Variants in AGBL1 observed in about 807,000 individuals in gnomAD.
AGBL1 encodes the protein cytosolic carboxypeptidase 4.
Under a neutral mutation model 118.9 loss-of-function variants are expected in AGBL1, and 130 were observed. The ratio of observed to expected loss-of-function variants is 1.09; its 90% confidence interval spans 0.95 to 1.26. AGBL1 has a LOEUF of 1.26. Ranked by LOEUF, AGBL1 falls within the 50% of genes most tolerant of loss-of-function variation. The pLI is 0.00. For missense variants in AGBL1, 1,584 were observed against 1,298.1 expected, an observed-to-expected ratio of 1.22 and a Z score of -3.38; for synonymous variants, 555 against 478.9, an observed-to-expected ratio of 1.16 and a Z score of -2.08.
intron 17 of AGBL1, among the ~76,000 whole-genome samples, chr15:86,349,476 T>C (rs141382987): frequency 2.7e-4 from 41 of 152,350 alleles, no homozygotes; most frequent in Non-Finnish European, 4.6e-4. Context: ...ACCTGATTCC[T>C]ATACGTTATT....
chr15:86,719,551 A>T (rs2086686316), intron 22 of AGBL1, among the ~76,000 whole-genome samples: 1 of 152,070 alleles, frequency 6.6e-6, no homozygotes, highest in Non-Finnish European at 1.5e-5. Flanking sequence ...CTCCATCCTG[A>T]AGCTTTTCTC....
intron 23 of AGBL1, among the ~76,000 whole-genome samples, chr15:86,955,180 A>T (rs1236612011): frequency 1.3e-5 from 2 of 152,130 alleles, no homozygotes; most frequent in Non-Finnish European, 2.9e-5. Flanking sequence ...CTCCAGTACA[A>T]ATTTACTAAA....
chr15:86,596,753 T>C (rs1410707212), intron 21 of AGBL1, among the ~76,000 whole-genome samples: 2 of 152,210 alleles, frequency 1.3e-5, no homozygotes, highest in African/African-American at 4.8e-5. Context: ...TTGACTGTTC[T>C]GTCAAAAACT....
chr15:86,538,330 T>G (rs1184397255), intron 19 of AGBL1, among the ~76,000 whole-genome samples: 2 of 152,220 alleles, frequency 1.3e-5, no homozygotes, highest in Non-Finnish European at 2.9e-5. Flanking sequence ...AAATTCTGCA[T>G]GTGCCTAATG....
intron 24 of AGBL1, among the ~76,000 whole-genome samples, chr15:87,002,162 A>G (rs1031514433): frequency 2.0e-5 from 3 of 151,982 alleles, no homozygotes; most frequent in South Asian, 4.1e-4. Context: ...TGTATAAGGT[A>G]TAAGGAAGGG....
intron 15 of AGBL1, among the ~76,000 whole-genome samples, chr15:86,279,310 A>T (rs2079308836): frequency 1.3e-5 from 2 of 152,208 alleles, no homozygotes; most frequent in African/African-American, 4.8e-5. Flanking sequence ...CAAGAAAAAC[A>T]GAACTGTTCA....
intron 23 of AGBL1, among the ~76,000 whole-genome samples, chr15:86,974,608 A>G (rs1276653504): frequency 7.0e-6 from 1 of 142,480 alleles, no homozygotes; most frequent in Non-Finnish European, 1.5e-5. Flanking sequence ...ATTATATAAT[A>G]TAAATTATAT....
chr15:86,996,891 G>T (rs538575813), intron 24 of AGBL1, among the ~76,000 whole-genome samples: 1 of 152,052 alleles, frequency 6.6e-6, no homozygotes, highest in Non-Finnish European at 1.5e-5. Flanking sequence ...TGTGGATTTT[G>T]TTTTGCTCCC....
At chr15:86,433,093 AG>A (rs1037922373) in intron 18 of AGBL1, among the ~76,000 whole-genome samples, 1 of 152,148 alleles carries the variant, frequency 6.6e-6, no homozygotes, top group Non-Finnish European at 1.5e-5. Context: ...AGGCCGGAGC[AG>A]GGTGGATGCA....
chr15:86,300,759 T>A (rs1016819830), intron 17 of AGBL1, among the ~76,000 whole-genome samples: 7 of 152,228 alleles, frequency 4.6e-5, no homozygotes, highest in Non-Finnish European at 1.0e-4. Context: ...TTTGCAGTTG[T>A]TAAAGAATAA....
intron 23 of AGBL1, among the ~76,000 whole-genome samples, chr15:86,971,936 T>G (rs1322255372): frequency 6.6e-6 from 1 of 151,924 alleles, no homozygotes; most frequent in Non-Finnish European, 1.5e-5. Flanking sequence ...CCACTTTGCT[T>G]GGCACTTCCC....
At chr15:86,338,529 A>AG (rs11371489) in intron 17 of AGBL1, among the ~76,000 whole-genome samples, 117,623 of 151,932 alleles carry the variant, frequency 0.77, 46,316 homozygotes, top group African/African-American at 0.84. Flanking sequence ...GAAGGGATAA[A>AG]GTGACCCCCG....
At chr15:86,874,058 C>T (rs2079768540) in intron 22 of AGBL1, among the ~76,000 whole-genome samples, 1 of 152,096 alleles carries the variant, frequency 6.6e-6, no homozygotes, top group South Asian at 2.1e-4. Flanking sequence ...CCCATAACCA[C>T]CTGACACATA....
At chr15:86,235,831 G>C (rs1010526733) in intron 6 of AGBL1, among the ~76,000 whole-genome samples, 1 of 152,232 alleles carries the variant, frequency 6.6e-6, no homozygotes, top group African/African-American at 2.4e-5. Context: ...TCTGTGGTGG[G>C]AGAGGGTGTG....
At chr15:86,493,260 C>A (rs575552441) in intron 18 of AGBL1, among the ~76,000 whole-genome samples, 1 of 151,898 alleles carries the variant, frequency 6.6e-6, no homozygotes, top group African/African-American at 2.4e-5. Context: ...AGAGACAACA[C>A]GGTGATCACG....
chr15:86,110,700 C>T (rs1309348529), intron 1 of AGBL1, among the ~76,000 whole-genome samples: 1 of 152,076 alleles, frequency 6.6e-6, no homozygotes, highest in Non-Finnish European at 1.5e-5. Context: ...TTTTTATGGA[C>T]CTGGATTTCC....
At chr15:86,440,295 G>A (rs1178069999) in intron 18 of AGBL1, among the ~76,000 whole-genome samples, 1 of 152,042 alleles carries the variant, frequency 6.6e-6, no homozygotes, top group Non-Finnish European at 1.5e-5. Context: ...TGCCCAACCA[G>A]AGAAATGCTT....
intron 19 of AGBL1, among the ~76,000 whole-genome samples, chr15:86,524,655 A>C (rs1567039606): frequency 6.6e-6 from 1 of 152,206 alleles, no homozygotes; most frequent in South Asian, 2.1e-4. Context: ...GAGCCCCACC[A>C]TAAGTCACAT....
At chr15:86,142,090 C>T (rs1307617560) in intron 2 of AGBL1, 23 bp downstream of exon 2, 19 of 1,548,798 alleles carry the variant, frequency 1.2e-5, no homozygotes, top group Non-Finnish European at 1.7e-5. Flanking sequence ...TGCTCTCATG[C>T]TTTCATATGG....
Sources: allele counts gnomAD v4.1 joint callset (sites outside exome capture counted in the v4.1 genomes callset), GRCh38; gene constraint gnomAD v4.1.1; transcripts MANE v1.5; gene names NCBI Gene and HGNC (gene_info 2026-07-23, HGNC 2026-07-21).